SLC4A4: variants seen among roughly 807,000 people sequenced by gnomAD.
SLC4A4 encodes electrogenic sodium bicarbonate cotransporter 1.
A neutral mutation model predicts 111.5 loss-of-function variants in SLC4A4; 27 were observed. That is an observed-to-expected ratio of 0.24 (90% CI 0.18 to 0.33). SLC4A4 has a LOEUF of 0.33. Among genes scored for constraint, SLC4A4 ranks in the 10% least tolerant of loss-of-function variants. The pLI is 1.00. For missense variants in SLC4A4, 909 were observed against 1,315.5 expected, an observed-to-expected ratio of 0.69 and a Z score of 4.78; for synonymous variants, 443 against 463.4, an observed-to-expected ratio of 0.96 and a Z score of 0.57.
At chr4:71,357,402 C>T (rs1487106089) in intron 6 of SLC4A4, among the ~76,000 whole-genome samples, 2 of 152,146 alleles carry the variant, frequency 1.3e-5, no homozygotes, top group African/African-American at 2.4e-5. Context: ...GCTAATGCCA[C>T]GGTGACTTGC....
chr4:71,442,398 A>G (rs1724812982), intron 8 of SLC4A4, among the ~76,000 whole-genome samples: 1 of 152,232 alleles, frequency 6.6e-6, no homozygotes, highest in Non-Finnish European at 1.5e-5. Flanking sequence ...TTTCAGGGCA[A>G]TAATCTGAAC....
At chr4:71,072,204 T>C (rs776313260) in intron 1 of SLC4A4, among the ~76,000 whole-genome samples, 10 of 152,214 alleles carry the variant, frequency 6.6e-5, no homozygotes, top group African/African-American at 1.9e-4. Flanking sequence ...TAATGCTTTA[T>C]GTTATGTTTC....
At chr4:71,516,467 T>A (rs958889683) in intron 16 of SLC4A4, among the ~76,000 whole-genome samples, 1 of 152,168 alleles carries the variant, frequency 6.6e-6, no homozygotes, top group Non-Finnish European at 1.5e-5. Context: ...TCACCAGTAA[T>A]GGCTGTGCTC....
intron 18 of SLC4A4, among the ~76,000 whole-genome samples, chr4:71,534,859 A>G (rs551358050): frequency 1.3e-5 from 2 of 152,264 alleles, no homozygotes; most frequent in East Asian, 3.9e-4. Flanking sequence ...TTGTGTCAGT[A>G]TGTTATTAAC....
In SLC4A4 at chr4:71,349,977, C is replaced by T. The variant is rs752835067; in HGVS notation, c.455C>T (p.Thr152Ile). ...AGATGGAGCAAGCCCCATGTGGCCA[C>T]ATTGTCCCTTCATAGTTTATTTGAG... ...GERWSKPHVA[T>I]LSLHSLFELR... The change falls in exon 5 of 26, where the codon ACA becomes ATA. Residue 152 changes from threonine (T) to isoleucine (I), a missense_variant. This residue lies in a region of SLC4A4 where 312 missense variants were observed against 402.0 expected (regional missense o/e 0.78). Coordinates refer to ENST00000264485, the MANE Select transcript of SLC4A4 (RefSeq NM_001098484.3). 6.2e-7 allele frequency: 1 copy of T among 1,614,098 alleles called. No homozygotes were observed. Among genetic ancestry groups the T allele is most frequent in the Non-Finnish European group, 8.5e-7 (1 of 1,179,982 alleles).
intron 3 of SLC4A4, among the ~76,000 whole-genome samples, chr4:71,290,258 A>G (rs756233870): frequency 1.3e-5 from 2 of 152,188 alleles, no homozygotes; most frequent in Non-Finnish European, 2.9e-5. Context: ...AGTATGTATC[A>G]TGGTGGTGAC....
chr4:71,101,284 T>A (rs192922469), intron 2 of SLC4A4, among the ~76,000 whole-genome samples: 3 of 151,856 alleles, frequency 2.0e-5, no homozygotes, highest in East Asian at 3.9e-4. Flanking sequence ...CAAAAAAAAT[T>A]CCATGCTCAT....
chr4:71,138,843 T>C (rs1427181583), intron 2 of SLC4A4, among the ~76,000 whole-genome samples: 2 of 151,824 alleles, frequency 1.3e-5, no homozygotes, highest in African/African-American at 2.4e-5. Context: ...GAGACCATTC[T>C]GCCTAACACG....
intron 2 of SLC4A4, among the ~76,000 whole-genome samples, chr4:71,180,554 C>T (rs1052070645): frequency 1.3e-5 from 2 of 152,174 alleles, no homozygotes; most frequent in East Asian, 1.9e-4. Context: ...TATGAACAGA[C>T]ATTTCTCAAA....
At position 71,534,378 on chromosome 4, in the gene SLC4A4, A is replaced by G. The variant is rs1254352748; in HGVS notation, c.2432A>G (p.His811Arg). 10 of 1,613,536 alleles carry G rather than the reference A, an allele frequency of 6.2e-6. No homozygotes were observed. Among genetic ancestry groups the G allele is most frequent in the Non-Finnish European group, 8.5e-6 (10 of 1,179,620 alleles). Residue 811 changes from histidine to arginine, a missense_variant, in exon 18 of 26, where the codon CAT becomes CGT. This residue lies in a region of SLC4A4 where 264 missense variants were observed against 356.8 expected (regional missense o/e 0.74). Coordinates refer to ENST00000264485, the MANE Select transcript of SLC4A4 (RefSeq NM_001098484.3). ...ITAVIVNRKE[H>R]KLKKGAGYHL... Reference sequence around the variant, plus strand: ...GCTGTGATTGTAAACAGGAAAGAACATAAACTCAAGGTAAGTGTCCATAAT... The same window carrying G: ...GCTGTGATTGTAAACAGGAAAGAACGTAAACTCAAGGTAAGTGTCCATAAT...
intron 16 of SLC4A4, among the ~76,000 whole-genome samples, chr4:71,522,348 A>G (rs930097457): frequency 1.3e-5 from 2 of 152,330 alleles, no homozygotes; most frequent in Admixed American, 6.5e-5. Flanking sequence ...CCAGAGTCCT[A>G]CACCAACAAA....
At chr4:71,247,639 C>G (rs1720772620) in intron 2 of SLC4A4, among the ~76,000 whole-genome samples, 1 of 152,182 alleles carries the variant, frequency 6.6e-6, no homozygotes, top group Admixed American at 6.5e-5. Context: ...GTTTTTTTAT[C>G]TTCCAACCCT....
At position 71,339,328 on chromosome 4, in the gene SLC4A4, T is replaced by C. The variant is rs1414207764; in HGVS notation, c.254-42T>C. 27 of 1,613,990 alleles carry C rather than the reference T, an allele frequency of 1.7e-5. No homozygotes were observed. Among genetic ancestry groups the C allele is most frequent in the Non-Finnish European group, 2.3e-5 (27 of 1,180,032 alleles). Reference sequence around the variant, plus strand: ...GCCCGGAGCTCCACTTTCCTCAGGGTTGTCCAGCCAATGTTTAACCACAGT... The same window carrying C: ...GCCCGGAGCTCCACTTTCCTCAGGGCTGTCCAGCCAATGTTTAACCACAGT... On this transcript the variant is annotated intron_variant, in intron 3 of 25. Coordinates refer to ENST00000264485, the MANE Select transcript of SLC4A4 (RefSeq NM_001098484.3).
intron 15 of SLC4A4, among the ~76,000 whole-genome samples, chr4:71,488,928 G>GTGTGTGTGTGT (rs1307362984): frequency 3.4e-5 from 5 of 147,814 alleles, no homozygotes; most frequent in African/African-American, 1.2e-4. Context: ...GTGTGTGTGT[G>GTGTGTGTGTGT]GTCATGAAGG....
At chr4:71,124,893 TTAAC>T (rs1234684658) in intron 2 of SLC4A4, among the ~76,000 whole-genome samples, 11 of 152,348 alleles carry the variant, frequency 7.2e-5, no homozygotes, top group South Asian at 2.1e-4. Flanking sequence ...ATATATGTGT[TTAAC>T]TAAAAGGGAA....
intron 3 of SLC4A4, among the ~76,000 whole-genome samples, chr4:71,328,921 T>G (rs1346047827): frequency 6.6e-6 from 1 of 152,110 alleles, no homozygotes; most frequent in Non-Finnish European, 1.5e-5. Flanking sequence ...GTTTCCCCAA[T>G]GTTTTCTTGT....
At position 71,096,570 on chromosome 4, in the gene SLC4A4, T is replaced by C. The variant is rs573625431; in HGVS notation, c.-2+3778T>C. ...ATGCAATATTTAAAAAAATCGTTAGTGCAAAAAATCCATGATGAACAAAAC... is the reference window on the plus strand; with the variant it reads ...ATGCAATATTTAAAAAAATCGTTAGCGCAAAAAATCCATGATGAACAAAAC... On this transcript the variant is annotated intron_variant, in intron 2 of 26. Coordinates refer to the SLC4A4 transcript ENST00000649996. Among the ~76,000 whole-genome samples the C allele has an allele frequency of 2.0e-5, 3 of 152,290 alleles. No homozygotes were observed. In the South Asian group the frequency reaches 6.2e-4, roughly 32 times the overall value.
At chr4:71,430,785 C>T (rs368331103) in intron 7 of SLC4A4, among the ~76,000 whole-genome samples, 21 of 152,180 alleles carry the variant, frequency 1.4e-4, no homozygotes, top group East Asian at 1.4e-3. Flanking sequence ...TTCAACACGA[C>T]GGGGAACAAC....
chr4:71,455,608 T>G (rs942512225), intron 12 of SLC4A4, among the ~76,000 whole-genome samples: 5 of 152,168 alleles, frequency 3.3e-5, no homozygotes, highest in Admixed American at 1.3e-4. Flanking sequence ...GAGAGGGCGG[T>G]AAGAACAAAA....
Sources: allele counts gnomAD v4.1 joint callset (sites outside exome capture counted in the v4.1 genomes callset), GRCh38; gene constraint gnomAD v4.1.1; regional missense constraint gnomAD v4.1.1; transcripts MANE v1.5; gene names NCBI Gene and HGNC (gene_info 2026-07-23, HGNC 2026-07-21).